DOK6: variants seen among roughly 807,000 people sequenced by gnomAD.
The protein encoded by DOK6 is docking protein 6, also known as downstream of tyrosine kinase 6.
A neutral mutation model predicts 44.0 loss-of-function variants in DOK6; 22 were observed. The observed-to-expected ratio is 0.50, with a 90% CI of 0.36 to 0.71. The LOEUF is 0.71. DOK6 is among the 30% of genes least tolerant of loss of function. The pLI, the probability that DOK6 is intolerant of heterozygous loss-of-function variation, is 0.00. For synonymous variants in DOK6, 166 were observed against 145.5 expected, an observed-to-expected ratio of 1.14 and a Z score of -1.01; for missense variants, 340 against 416.4, an observed-to-expected ratio of 0.82 and a Z score of 1.60.
At chr18:69,414,526 T>C (rs544525497) in intron 1 of DOK6, among the ~76,000 whole-genome samples, 2 of 152,158 alleles carry the variant, frequency 1.3e-5, no homozygotes, top group East Asian at 3.9e-4. Context: ...TAATAAATTA[T>C]AAAAATGAAG....
At chr18:69,574,694 T>C (rs1983196971) in intron 2 of DOK6, among the ~76,000 whole-genome samples, 1 of 152,088 alleles carries the variant, frequency 6.6e-6, no homozygotes, top group South Asian at 2.1e-4. Flanking sequence ...GGGCAATAAT[T>C]GGGTATAAAT....
At position 69,845,636 on chromosome 18, in the gene DOK6, G is replaced by C. The variant is rs960543132; in HGVS notation, c.*4253G>C. 1 of 152,318 alleles carries C rather than the reference G, an allele frequency of 6.6e-6. No individual in the cohort carries two copies. 9.4% of individuals were successfully genotyped at this position (152,318 alleles called of 1,614,324 possible). On this transcript the variant is annotated 3_prime_UTR_variant, in exon 8 of 8. Coordinates refer to ENST00000382713, the MANE Select transcript of DOK6 (RefSeq NM_152721.6). ...GCAACAATTTAGGTTAAATGATAAA[G>C]AATACAATGAAATGTCCAGAGTAAC...
At chr18:69,569,465 C>A (rs893470248) in intron 2 of DOK6, among the ~76,000 whole-genome samples, 1 of 152,172 alleles carries the variant, frequency 6.6e-6, no homozygotes, top group Non-Finnish European at 1.5e-5. Flanking sequence ...CCAGAGGCTA[C>A]ACGTGACAAT....
chr18:69,436,450 G>T (rs1039348694), intron 1 of DOK6, among the ~76,000 whole-genome samples: 3 of 152,016 alleles, frequency 2.0e-5, no homozygotes, highest in South Asian at 2.1e-4. Context: ...GAGAATGATG[G>T]TTTCCAGCTT....
chr18:69,739,952 G>T (rs1974100855), intron 6 of DOK6, among the ~76,000 whole-genome samples: 1 of 152,096 alleles, frequency 6.6e-6, no homozygotes, highest in African/African-American at 2.4e-5. Flanking sequence ...AAAATTCTAT[G>T]AAACATTTTG....
At chr18:69,505,896 C>T in intron 1 of DOK6, among the ~76,000 whole-genome samples, 1 of 146,624 alleles carries the variant, frequency 6.8e-6, no homozygotes, top group Non-Finnish European at 1.5e-5. Flanking sequence ...CAAAATTAAA[C>T]ACAAAATGTT....
intron 3 of DOK6, among the ~76,000 whole-genome samples, chr18:69,630,288 G>A (rs1984660413): frequency 6.6e-6 from 1 of 151,974 alleles, no homozygotes; most frequent in Non-Finnish European, 1.5e-5. Flanking sequence ...AAAGCCAACT[G>A]GAAAATTGAT....
intron 5 of DOK6, among the ~76,000 whole-genome samples, chr18:69,711,874 C>T (rs1986763887): frequency 6.6e-6 from 1 of 152,128 alleles, no homozygotes; most frequent in African/African-American, 2.4e-5. Context: ...GTGGCAGGCC[C>T]CATACTTGTT....
intron 5 of DOK6, among the ~76,000 whole-genome samples, chr18:69,732,533 A>G (rs148800566): frequency 1.6e-3 from 244 of 152,334 alleles, no homozygotes; most frequent in African/African-American, 5.6e-3. Context: ...TACTAAAGCC[A>G]AACTCCAGAG....
chr18:69,779,085 T>C (rs1980171819), intron 7 of DOK6, among the ~76,000 whole-genome samples: 5 of 152,146 alleles, frequency 3.3e-5, no homozygotes, highest in Admixed American at 3.3e-4. Flanking sequence ...CAAGATAATT[T>C]CTAGATTTTT....
intron 5 of DOK6, among the ~76,000 whole-genome samples, chr18:69,727,965 A>T (rs1469367331): frequency 2.0e-5 from 3 of 152,222 alleles, no homozygotes; most frequent in African/African-American, 7.2e-5. Flanking sequence ...CTTATGGAAT[A>T]AAAGGAACCC....
rs188379928 is a variant in DOK6, at chr18:69,608,391, T to G, written c.289+8893T>G. On this transcript the variant is annotated intron_variant, in intron 3 of 7. Coordinates refer to ENST00000382713, the MANE Select transcript of DOK6 (RefSeq NM_152721.6). ...GTCTGCCTTCACGCCAGTATTAAACTGTTTTGATTATGGTAAACTTGTAGT... is the reference window on the plus strand; with the variant it reads ...GTCTGCCTTCACGCCAGTATTAAACGGTTTTGATTATGGTAAACTTGTAGT... 9.5e-4 allele frequency among the ~76,000 whole-genome samples: 144 copies of G among 152,332 alleles called. 1 individual carries two copies. The highest frequency in any genetic ancestry group is 7.8e-4 in the Non-Finnish European group (53 of 68,018).
intron 5 of DOK6, among the ~76,000 whole-genome samples, chr18:69,724,529 T>G (rs1978296693): frequency 6.6e-6 from 1 of 152,206 alleles, no homozygotes; most frequent in Admixed American, 6.5e-5. Flanking sequence ...TGAATTCCCA[T>G]TAGGTCTCAA....
intron 1 of DOK6, among the ~76,000 whole-genome samples, chr18:69,490,247 T>C (rs1980698910): frequency 6.6e-6 from 1 of 152,178 alleles, no homozygotes; most frequent in African/African-American, 2.4e-5. Flanking sequence ...AAGGATATCA[T>C]TAGACAGCAG....
At chr18:69,811,106 C>A (rs1030480165) in intron 7 of DOK6, among the ~76,000 whole-genome samples, 1 of 151,820 alleles carries the variant, frequency 6.6e-6, no homozygotes, top group African/African-American at 2.4e-5. Flanking sequence ...TACACACAAA[C>A]AAGTAGAGTA....
chr18:69,452,452 A>T (rs1005930756), intron 1 of DOK6, among the ~76,000 whole-genome samples: 6 of 127,622 alleles, frequency 4.7e-5, no homozygotes, highest in Non-Finnish European at 3.2e-5. Context: ...CCAGGACCAG[A>T]TGAATTCACA....
intron 2 of DOK6, 129 bp from the exon 3 acceptor site, chr18:69,599,255 C>A: frequency 1.5e-6 from 1 of 682,778 alleles, no homozygotes; most frequent in Non-Finnish European, 2.3e-6. Context: ...TGGCTAAAGT[C>A]AATTCAGAAT....
chr18:69,487,008 C>T (rs1229759563), intron 1 of DOK6, among the ~76,000 whole-genome samples: 1 of 152,026 alleles, frequency 6.6e-6, no homozygotes, highest in Non-Finnish European at 1.5e-5. Context: ...TTCTGCTCCA[C>T]TTTAGGGTTG....
intron 7 of DOK6, among the ~76,000 whole-genome samples, chr18:69,824,184 A>T (rs559679096): frequency 2.5e-5 from 1 of 40,364 alleles, no homozygotes; most frequent in Non-Finnish European, 7.2e-5. Context: ...TCCTAATGCT[A>T]TCCCTCCCCC....
Sources: gnomAD v4.1 joint callset for allele counts (sites outside exome capture counted in the v4.1 genomes callset) on GRCh38, gnomAD v4.1.1 for gene constraint, MANE v1.5 for transcripts, NCBI Gene and HGNC (gene_info 2026-07-23, HGNC 2026-07-21) for gene names.